Variants in TPRG1 observed in about 807,000 individuals in gnomAD.
TPRG1 encodes tumor protein p63 regulated 1, also known as tumor protein p63-regulated gene 1 protein.
TPRG1 carries 29 observed loss-of-function variants against 29.3 expected under a neutral mutation model. The ratio of observed to expected loss-of-function variants is 0.99; its 90% CI spans 0.74 to 1.35. The LOEUF (loss-of-function observed/expected upper bound fraction) is 1.35, where lower values mean the gene tolerates loss of function less well. Among genes scored for constraint, TPRG1 ranks in the 40% most tolerant of loss-of-function variants. The pLI, the probability that TPRG1 is intolerant of heterozygous loss-of-function variation, is 0.00. For missense variants in TPRG1, 327 were observed against 335.0 expected, an observed-to-expected ratio of 0.98 and a Z score of 0.19; for synonymous variants, 130 against 116.8, an observed-to-expected ratio of 1.11 and a Z score of -0.73.
intron 1 of TPRG1, among the ~76,000 whole-genome samples, chr3:189,125,505 C>T (rs1418548453): frequency 1.3e-5 from 2 of 152,146 alleles, no homozygotes; most frequent in East Asian, 1.9e-4. Context: ...ATTCCTCTTT[C>T]TCTCCACCCC....
At chr3:189,228,415 A>G (rs1305345529) in intron 3 of TPRG1, among the ~76,000 whole-genome samples, 1 of 152,166 alleles carries the variant, frequency 6.6e-6, no homozygotes, top group Non-Finnish European at 1.5e-5. Context: ...TGTAAAAAGA[A>G]TTATACATCA....
chr3:189,135,518 C>A (rs1050667010), intron 3 of TPRG1, among the ~76,000 whole-genome samples: 9 of 152,190 alleles, frequency 5.9e-5, no homozygotes, highest in African/African-American at 1.2e-4. Flanking sequence ...GCAACTTATG[C>A]TCCCCCTGAA....
intron 2 of TPRG1, among the ~76,000 whole-genome samples, chr3:189,211,077 T>G (rs1735188444): frequency 6.6e-6 from 1 of 152,192 alleles, no homozygotes; most frequent in Non-Finnish European, 1.5e-5. Flanking sequence ...TCTTATATAT[T>G]TAGGTGCATA....
intron 4 of TPRG1, among the ~76,000 whole-genome samples, chr3:189,040,826 G>A (rs1177622967): frequency 6.6e-6 from 1 of 152,182 alleles, no homozygotes; most frequent in Non-Finnish European, 1.5e-5. Flanking sequence ...GCCACGAGAT[G>A]AGTCAAAGGG....
intron 4 of TPRG1, among the ~76,000 whole-genome samples, chr3:189,030,439 A>C (rs750189525): frequency 3.9e-5 from 6 of 152,236 alleles, no homozygotes; most frequent in Non-Finnish European, 7.3e-5. Flanking sequence ...TCAAAATATC[A>C]GTTTCTTTCT....
intron 4 of TPRG1, among the ~76,000 whole-genome samples, chr3:189,294,040 AC>A (rs774898479): frequency 3.3e-5 from 5 of 152,218 alleles, no homozygotes; most frequent in Non-Finnish European, 7.3e-5. Flanking sequence ...TTTGAGCTAC[AC>A]TGGAACATTC....
chr3:189,316,955 G>A lies in TPRG1; in HGVS notation c.634-3671G>A, dbSNP rs534824010. Among the ~76,000 whole-genome samples the A allele has an allele frequency of 2.0e-4, 30 of 152,214 alleles. No individual in the cohort carries two copies. In the South Asian group the frequency reaches 6.2e-3, roughly 32 times the overall value. On this transcript the variant is annotated intron_variant, in intron 5 of 5. Coordinates refer to ENST00000345063, the MANE Select transcript of TPRG1 (RefSeq NM_198485.4). ...CAATGCACTGCTTGTCACCCTGCTT[G>A]TCTCTCTGTAACCATGCCCTCCCCT... is the stretch of plus-strand genomic sequence containing the variant.
At chr3:189,154,039 T>A (rs1049368846) in intron 5 of TPRG1, among the ~76,000 whole-genome samples, 1 of 152,166 alleles carries the variant, frequency 6.6e-6, no homozygotes, top group South Asian at 2.1e-4. Flanking sequence ...AAACACCCAA[T>A]TGGCCAAATG....
At chr3:189,188,389 G>A (rs1012153836) in intron 1 of TPRG1, among the ~76,000 whole-genome samples, 1 of 152,160 alleles carries the variant, frequency 6.6e-6, no homozygotes, top group Non-Finnish European at 1.5e-5. Context: ...TTTTGTTTCA[G>A]ACCAGCATTT....
intron 4 of TPRG1, among the ~76,000 whole-genome samples, chr3:189,080,629 T>C (rs188989466): frequency 6.6e-6 from 1 of 152,060 alleles, no homozygotes; most frequent in East Asian, 1.9e-4. Flanking sequence ...AAGGTGGGCA[T>C]GGGCTAAGTC....
At position 189,177,182 on chromosome 3, in the gene TPRG1, A is replaced by G. The variant is rs1376108846; in HGVS notation, c.-10+5051A>G. On this transcript the variant is annotated intron_variant, in intron 1 of 5. Coordinates refer to ENST00000345063, the MANE Select transcript of TPRG1 (RefSeq NM_198485.4). ...GAGGGATAGTGAGACAGATAAGTCAAGTATAACACCACAGTTTTACCTGAG... is the reference window on the plus strand; with the variant it reads ...GAGGGATAGTGAGACAGATAAGTCAGGTATAACACCACAGTTTTACCTGAG... 2.0e-5 allele frequency among the ~76,000 whole-genome samples: 3 copies of G among 152,202 alleles called. No homozygotes were observed. The East Asian group carries it at 5.8e-4, about 29-fold the overall frequency.
At chr3:189,283,226 G>A (rs866544727) in intron 4 of TPRG1, among the ~76,000 whole-genome samples, 2 of 152,058 alleles carry the variant, frequency 1.3e-5, no homozygotes, top group South Asian at 2.1e-4. Flanking sequence ...TCAATTATTC[G>A]TGCTTCATAT....
At chr3:189,147,700 T>G (rs1217397646) in intron 4 of TPRG1, 1 of 152,262 alleles carries the variant, frequency 6.6e-6, no homozygotes, top group East Asian at 1.9e-4. Flanking sequence ...GAGGGAAAAG[T>G]GACCTGTAGG....
At chr3:189,074,343 C>A (rs1223136517) in intron 4 of TPRG1, among the ~76,000 whole-genome samples, 1 of 150,482 alleles carries the variant, frequency 6.6e-6, no homozygotes, top group Non-Finnish European at 1.5e-5. Context: ...GTAGCTGGGA[C>A]TACAGGCGCC....
chr3:189,016,609 CT>C (rs1276224431), intron 3 of TPRG1, among the ~76,000 whole-genome samples: 2 of 152,002 alleles, frequency 1.3e-5, no homozygotes, highest in African/African-American at 4.8e-5. Flanking sequence ...AATTTTAATC[CT>C]CATGTGTTTG....
intron 5 of TPRG1, among the ~76,000 whole-genome samples, chr3:189,155,445 T>C (rs1726534575): frequency 6.6e-6 from 1 of 151,988 alleles, no homozygotes; most frequent in African/African-American, 2.4e-5. Flanking sequence ...TGGTTAGAGA[T>C]CTTGGGATGG....
chr3:189,181,101 G>T (rs1451725114), intron 1 of TPRG1, among the ~76,000 whole-genome samples: 1 of 152,136 alleles, frequency 6.6e-6, no homozygotes. Flanking sequence ...TAGCACACAG[G>T]GCACAAAGTC....
At chr3:189,173,339 C>T (rs1329981001) in intron 1 of TPRG1, among the ~76,000 whole-genome samples, 3 of 130,322 alleles carry the variant, frequency 2.3e-5, no homozygotes, top group East Asian at 2.1e-4. Flanking sequence ...TTCTTTTCTT[C>T]TTCTTTTTTT....
At chr3:189,193,512 T>A (rs1326466866) in intron 1 of TPRG1, among the ~76,000 whole-genome samples, 1 of 152,134 alleles carries the variant, frequency 6.6e-6, no homozygotes, top group Non-Finnish European at 1.5e-5. Context: ...CCATACACTT[T>A]CCCTTCTCTT....
Sources: gnomAD v4.1 joint callset for allele counts (sites outside exome capture counted in the v4.1 genomes callset) on GRCh38, gnomAD v4.1.1 for gene constraint, MANE v1.5 for transcripts, NCBI Gene and HGNC (gene_info 2026-07-23, HGNC 2026-07-21) for gene names.